The following DLEU7 variants were observed in gnomAD, a reference collection of about 807,000 sequenced individuals.
DLEU7 encodes leukemia-associated protein 7.
A neutral mutation model predicts 16.0 loss-of-function variants in DLEU7; 17 were observed. The observed-to-expected ratio is 1.06, with a 90% CI of 0.73 to 1.59. The LOEUF (loss-of-function observed/expected upper bound fraction) is 1.59. Ranked by LOEUF, DLEU7 falls within the 40% of genes most tolerant of loss-of-function variation. The pLI is 0.00. For synonymous variants in DLEU7, 113 were observed against 139.8 expected (o/e 0.81, Z 1.35); for missense variants, 308 against 314.9 (o/e 0.98, Z 0.17).
intron 1 of DLEU7, among the ~76,000 whole-genome samples, chr13:50,734,942 G>A (rs1006808434): frequency 1.3e-5 from 2 of 152,164 alleles, no homozygotes; most frequent in African/African-American, 4.8e-5. Context: ...TAGATTAACA[G>A]TAAATGAATA....
At chr13:50,749,906 T>C (rs1462502288) in intron 1 of DLEU7, among the ~76,000 whole-genome samples, 1 of 152,210 alleles carries the variant, frequency 6.6e-6, no homozygotes, top group African/African-American at 2.4e-5. Flanking sequence ...ACTCTGACTG[T>C]TCCTTTTGCC....
intron 1 of DLEU7, among the ~76,000 whole-genome samples, chr13:50,823,837 T>C (rs1329901987): frequency 2.6e-5 from 4 of 152,166 alleles, no homozygotes. Flanking sequence ...CTGAGGCTAT[T>C]GGAAAATATC....
intron 1 of DLEU7, among the ~76,000 whole-genome samples, chr13:50,718,305 A>G (rs953151278): frequency 6.6e-6 from 1 of 152,230 alleles, no homozygotes; most frequent in Non-Finnish European, 1.5e-5. Flanking sequence ...TTTCCAAAGA[A>G]AAGGCTTTGA....
At chr13:50,725,694 A>G (rs1397523008) in intron 1 of DLEU7, among the ~76,000 whole-genome samples, 1 of 152,182 alleles carries the variant, frequency 6.6e-6, no homozygotes, top group African/African-American at 2.4e-5. Flanking sequence ...TGGGAGGGGA[A>G]GGAGACGCCG....
intron 1 of DLEU7, among the ~76,000 whole-genome samples, chr13:50,727,215 G>A (rs1156432023): frequency 1.2e-5 from 1 of 84,658 alleles, no homozygotes; most frequent in East Asian, 5.0e-4. Flanking sequence ...TCTTGCATAC[G>A]TGTGTGTGTG....
chr13:50,825,555 T>C (rs56180851), intron 1 of DLEU7, among the ~76,000 whole-genome samples: 5,057 of 152,248 alleles, frequency 0.033, 286 homozygotes, highest in African/African-American at 0.11. Context: ...TCAGAAAATA[T>C]TCTGTAATTT....
At chr13:50,764,829 G>A (rs1875051236) in intron 1 of DLEU7, among the ~76,000 whole-genome samples, 1 of 152,144 alleles carries the variant, frequency 6.6e-6, no homozygotes, top group Non-Finnish European at 1.5e-5. Context: ...TAAGAATACT[G>A]AAGAATGAAG....
rs187765618 is a variant in DLEU7 at position 50,794,734 on chromosome 13, C to G, written c.459+48454G>C. On this transcript the variant is annotated intron_variant, in intron 1 of 1. Coordinates refer to the DLEU7 transcript ENST00000400393. ...TGATGTAGGCATTATTGAGCAGTTC[C>G]TTTTAACTGAGGCTCAAATGATTAA... Among the ~76,000 whole-genome samples, 170 of 152,200 alleles carry G rather than the reference C, an allele frequency of 1.1e-3. 1 individual carries two copies. Among genetic ancestry groups the G allele is most frequent in the Admixed American group, 9.5e-3 (145 of 15,292 alleles).
intron 1 of DLEU7, among the ~76,000 whole-genome samples, chr13:50,812,269 G>A (rs1343356448): frequency 6.6e-6 from 1 of 152,038 alleles, no homozygotes; most frequent in Non-Finnish European, 1.5e-5. Flanking sequence ...CTGCAGGAGT[G>A]GACACTGGAT....
intron 1 of DLEU7, among the ~76,000 whole-genome samples, chr13:50,781,035 A>G (rs1875636620): frequency 6.6e-6 from 1 of 151,968 alleles, no homozygotes; most frequent in Non-Finnish European, 1.5e-5. Context: ...ACATGTTCTG[A>G]TTTTCTGCCT....
intron 1 of DLEU7, among the ~76,000 whole-genome samples, chr13:50,756,058 A>T (rs1254813928): frequency 6.6e-6 from 1 of 152,154 alleles, no homozygotes; most frequent in African/African-American, 2.4e-5. Flanking sequence ...GAGTCCTGTG[A>T]TGTGAACTGT....
chr13:50,716,010 C>G (rs1161635791), intron 1 of DLEU7, among the ~76,000 whole-genome samples: 2 of 152,228 alleles, frequency 1.3e-5, no homozygotes, highest in African/African-American at 4.8e-5. Context: ...ACACAGGAAG[C>G]TTTGATGTTA....
In DLEU7 at chr13:50,762,189, CAAAAAAAAAAA is replaced by C. The variant is rs71085045; in HGVS notation, c.460-48960_460-48950del. On this transcript the variant is annotated intron_variant, in intron 1 of 1. Coordinates refer to the DLEU7 transcript ENST00000400393. ...CTGGGTGACAGAGCGAGACTCGTCT[CAAAAAAAAAAA>C]AAAAAAAAAAAGAAAAGAAAATATC... is the stretch of plus-strand genomic sequence containing the variant. 1.1e-4 allele frequency among the ~76,000 whole-genome samples: 9 copies of C among 84,286 alleles called. No individual in the cohort carries two copies. In the East Asian group the frequency reaches 2.2e-3, roughly 21 times the overall value. 55.3% of individuals were successfully genotyped at this position (84,286 alleles called of 152,430 possible). A position where few individuals can be genotyped will look rare whatever the true frequency, so the allele number is the denominator to read the frequency against.
chr13:50,804,166 A>G (rs1382645893), intron 1 of DLEU7, among the ~76,000 whole-genome samples: 2 of 151,192 alleles, frequency 1.3e-5, no homozygotes, highest in Non-Finnish European at 3.0e-5. Flanking sequence ...TGTATTTTCT[A>G]TTTTTTCCCC....
intron 1 of DLEU7, among the ~76,000 whole-genome samples, chr13:50,840,930 T>G (rs1877637291): frequency 6.6e-6 from 1 of 152,066 alleles, no homozygotes; most frequent in Non-Finnish European, 1.5e-5. Context: ...GAAGAAGGCT[T>G]GAGGAGGATG....
At chr13:50,840,771 A>G (rs1877630218) in intron 1 of DLEU7, among the ~76,000 whole-genome samples, 1 of 150,316 alleles carries the variant, frequency 6.7e-6, no homozygotes, top group Admixed American at 6.6e-5. Flanking sequence ...TGGAATTAAC[A>G]TGAATATACA....
At chr13:50,750,601 T>C (rs920167861) in intron 1 of DLEU7, among the ~76,000 whole-genome samples, 1 of 152,188 alleles carries the variant, frequency 6.6e-6, no homozygotes, top group East Asian at 1.9e-4. Flanking sequence ...TTATCTATGA[T>C]TTCTTTCAAA....
At chr13:50,758,366 C>A (rs1162821316) in intron 1 of DLEU7, among the ~76,000 whole-genome samples, 2 of 148,336 alleles carry the variant, frequency 1.3e-5, no homozygotes, top group African/African-American at 5.1e-5. Flanking sequence ...TTTCTTTTGT[C>A]CTTATTTCAC....
chr13:50,758,157 A>G (rs905926710), intron 1 of DLEU7, among the ~76,000 whole-genome samples: 1 of 151,078 alleles, frequency 6.6e-6, no homozygotes, highest in African/African-American at 2.4e-5. Flanking sequence ...GTGAGTCACT[A>G]CACCTGGCCC....
Sources: gnomAD v4.1 joint callset for allele counts (sites outside exome capture counted in the v4.1 genomes callset) on GRCh38, gnomAD v4.1.1 for gene constraint, MANE v1.5 for transcripts, NCBI Gene and HGNC (gene_info 2026-07-23, HGNC 2026-07-21) for gene names.